Variants in RIMS2 observed in about 807,000 individuals in gnomAD.
The protein encoded by RIMS2 is regulating synaptic membrane exocytosis protein 2.
Under a neutral mutation model 174.4 loss-of-function variants are expected in RIMS2, and 59 were observed. That is an observed-to-expected ratio of 0.34 (90% CI 0.27 to 0.42). The LOEUF (loss-of-function observed/expected upper bound fraction) is 0.42, where lower values mean the gene tolerates loss of function less well. Ranked by LOEUF, RIMS2 falls within the 10% of genes least tolerant of loss-of-function variation. The pLI is 1.00. For missense variants in RIMS2, 1,620 were observed against 1,666.3 expected (o/e 0.97, Z 0.48); for synonymous variants, 606 against 572.5 (o/e 1.06, Z -0.84).
chr8:103,568,635 G>A (rs890202735), intron 1 of RIMS2: 4 of 608,614 alleles, frequency 6.6e-6, no homozygotes, highest in Admixed American at 2.0e-5. Context: ...ATCAGCAAGT[G>A]CACTTTGTAT....
chr8:104,153,732 C>T (rs560084479), intron 19 of RIMS2, among the ~76,000 whole-genome samples: 20 of 152,070 alleles, frequency 1.3e-4, no homozygotes, highest in African/African-American at 4.8e-4. Context: ...GACATTCTAC[C>T]ATTTAGAGGT....
At chr8:103,600,541 G>A (rs902758856) in intron 1 of RIMS2, among the ~76,000 whole-genome samples, 3 of 152,188 alleles carry the variant, frequency 2.0e-5, no homozygotes, top group African/African-American at 7.2e-5. Flanking sequence ...AAAGTGCTGG[G>A]ATTACAGGCG....
chr8:103,746,847 A>T (rs7003269), intron 2 of RIMS2, among the ~76,000 whole-genome samples: 34,931 of 151,624 alleles, frequency 0.23, 4,343 homozygotes, highest in Non-Finnish European at 0.25. Context: ...CACCCCGCTA[A>T]TTTTTTGTAT....
rs1554596362 is a variant in RIMS2, at chr8:104,189,582, T to TTTTA, written c.3335-55333_3335-55332insTTAT. Among the ~76,000 whole-genome samples, 723 of 145,218 alleles carry TTTTA rather than the reference T, an allele frequency of 5.0e-3. 4 individuals are homozygous for TTTTA. Among genetic ancestry groups the TTTTA allele is most frequent in the African/African-American group, 0.017 (675 of 40,064 alleles). ...AAGAGATAAATTCCAAATATATACA[T>TTTTA]TATATATATATATATATTTATGTAA... On this transcript the variant is annotated intron_variant, in intron 19 of 23. Coordinates refer to ENST00000504942, the Ensembl canonical transcript of RIMS2.
intron 19 of RIMS2, among the ~76,000 whole-genome samples, chr8:104,108,367 C>T (rs1217992277): frequency 2.0e-5 from 3 of 152,102 alleles, no homozygotes. Flanking sequence ...TCATATCTCA[C>T]TGCAGCCTCC....
At chr8:103,510,738 T>C (rs1397548286) in intron 1 of RIMS2, among the ~76,000 whole-genome samples, 1 of 152,172 alleles carries the variant, frequency 6.6e-6, no homozygotes, top group African/African-American at 2.4e-5. Context: ...TTTTTTCTCT[T>C]TTAAGAACTC....
intron 19 of RIMS2, among the ~76,000 whole-genome samples, chr8:104,044,263 G>A (rs79513350): frequency 0.031 from 4,770 of 151,728 alleles, 116 homozygotes; most frequent in Non-Finnish European, 0.046. Flanking sequence ...AGAAGCTCAG[G>A]ATAGTAGGGT....
intron 1 of RIMS2, among the ~76,000 whole-genome samples, chr8:103,505,275 T>C (rs1231717795): frequency 6.6e-6 from 1 of 152,138 alleles, no homozygotes. Flanking sequence ...ATATATAATA[T>C]TGTGTGTGTC....
chr8:103,891,052 T>C (rs905631577), intron 4 of RIMS2, among the ~76,000 whole-genome samples: 2 of 151,970 alleles, frequency 1.3e-5, no homozygotes, highest in Non-Finnish European at 2.9e-5. Context: ...AAATATCTCT[T>C]GTGGGGCAAA....
chr8:103,616,798 A>G (rs558019791), intron 1 of RIMS2, among the ~76,000 whole-genome samples: 1 of 152,312 alleles, frequency 6.6e-6, no homozygotes, highest in South Asian at 2.1e-4. Flanking sequence ...TAAAATACCT[A>G]GGAATACAGA....
At chr8:104,047,587 A>T (rs1318330419) in intron 19 of RIMS2, among the ~76,000 whole-genome samples, 3 of 152,164 alleles carry the variant, frequency 2.0e-5, no homozygotes, top group Non-Finnish European at 4.4e-5. Flanking sequence ...TGTACAAAAC[A>T]CATGAAAACT....
At chr8:103,940,863 G>A (rs2082370150) in intron 13 of RIMS2, among the ~76,000 whole-genome samples, 2 of 143,172 alleles carry the variant, frequency 1.4e-5, no homozygotes, top group African/African-American at 2.6e-5. Flanking sequence ...GCGACAGAGT[G>A]AGACTCCATC....
intron 2 of RIMS2, among the ~76,000 whole-genome samples, chr8:103,703,776 T>A (rs1480115293): frequency 1.3e-5 from 2 of 152,202 alleles, no homozygotes; most frequent in Non-Finnish European, 2.9e-5. Flanking sequence ...ATTGCTTGTT[T>A]GATTTTGTTT....
chr8:103,795,438 T>TGG (rs113172232), intron 3 of RIMS2, among the ~76,000 whole-genome samples: 8 of 31,572 alleles, frequency 2.5e-4, no homozygotes, highest in African/African-American at 7.6e-4. Context: ...TGTTGTGGGG[T>TGG]GGGGGGAGGC....
At chr8:103,896,675 T>A (rs911006092) in intron 4 of RIMS2, among the ~76,000 whole-genome samples, 5 of 151,656 alleles carry the variant, frequency 3.3e-5, no homozygotes, top group African/African-American at 1.2e-4. Flanking sequence ...AGGTTAACAC[T>A]GGTGGAATTT....
intron 19 of RIMS2, among the ~76,000 whole-genome samples, chr8:104,158,753 TC>T (rs1301238408): frequency 6.6e-6 from 1 of 152,192 alleles, no homozygotes; most frequent in East Asian, 1.9e-4. Flanking sequence ...TTGTTTTTTT[TC>T]TTGTAAATTT....
intron 19 of RIMS2, chr8:104,223,317 G>A (rs891470064): frequency 3.2e-5 from 32 of 997,098 alleles, no homozygotes; most frequent in Non-Finnish European, 3.9e-5. Context: ...ATCTCCCTGC[G>A]CGGGGAGGGC....
At chr8:104,068,365 G>T (rs1350531793) in intron 19 of RIMS2, 147 bp from the exon 23 acceptor site, 1 of 409,798 alleles carries the variant, frequency 2.4e-6, no homozygotes, top group South Asian at 9.3e-5. Context: ...AAATAAATCT[G>T]TAAAATAATA....
At chr8:103,678,492 A>G (rs531451041) in intron 1 of RIMS2, among the ~76,000 whole-genome samples, 26 of 152,302 alleles carry the variant, frequency 1.7e-4, no homozygotes, top group African/African-American at 6.3e-4. Context: ...TGACCTAGTC[A>G]GTGATGTTAA....
Sources: gnomAD v4.1 joint callset for allele counts (sites outside exome capture counted in the v4.1 genomes callset) on GRCh38, gnomAD v4.1.1 for gene constraint, MANE v1.5 for transcripts, NCBI Gene and HGNC (gene_info 2026-07-23, HGNC 2026-07-21) for gene names.